Variants in BSCL2 observed in about 807,000 individuals in gnomAD.
BSCL2 encodes the protein BSCL2 lipid droplet biogenesis associated, seipin.
Under a neutral mutation model 57.4 loss-of-function variants are expected in BSCL2, and 41 were observed. The ratio of observed to expected loss-of-function variants is 0.71; its 90% CI spans 0.56 to 0.93. The LOEUF (loss-of-function observed/expected upper bound fraction) is 0.93. BSCL2 is among the 40% of genes least tolerant of loss of function. The pLI is 0.00. For synonymous variants in BSCL2, 237 were observed against 227.3 expected, an observed-to-expected ratio of 1.04 and a Z score of -0.38; for missense variants, 539 against 586.7, an observed-to-expected ratio of 0.92 and a Z score of 0.84.
intron 3 of BSCL2, among the ~76,000 whole-genome samples, chr11:62,696,313 T>TGTGTGTGTGTGTGTGA (rs925519812): frequency 1.4e-4 from 21 of 151,300 alleles, no homozygotes; most frequent in Non-Finnish European, 2.5e-4. Flanking sequence ...TGTGTGTGTG[T>TGTGTGTGTGTGTGTGA]GAAGACAAGG....
chr11:62,700,883 T>C (rs1945619508), intron 3 of BSCL2, among the ~76,000 whole-genome samples: 1 of 151,430 alleles, frequency 6.6e-6, no homozygotes, highest in South Asian at 2.1e-4. Context: ...ATCCCAGGAG[T>C]TGGAGGTTGC....
intron 6 of BSCL2, among the ~76,000 whole-genome samples, chr11:62,691,929 G>T (rs1945321830): frequency 6.6e-6 from 1 of 152,080 alleles, no homozygotes; most frequent in Admixed American, 6.6e-5. Context: ...GCAGGCGCCT[G>T]TAGTCCCAGC....
At chr11:62,694,483 G>C in intron 4 of BSCL2, 85 bp downstream of exon 4, 1 of 1,598,224 alleles carries the variant, frequency 6.3e-7, no homozygotes, top group Non-Finnish European at 8.6e-7. Context: ...GGGATTATAG[G>C]CCTGAGCCAC....
At chr11:62,698,159 G>A (rs549756581) in intron 3 of BSCL2, among the ~76,000 whole-genome samples, 4 of 151,256 alleles carry the variant, frequency 2.6e-5, no homozygotes, top group African/African-American at 7.3e-5. Context: ...CACCCGCCTC[G>A]GCCTCCCAAA....
At chr11:62,707,045 C>G (rs1046471233) in intron 1 of BSCL2, 64 bp downstream of exon 1, 4 of 1,112,560 alleles carry the variant, frequency 3.6e-6, no homozygotes, top group Non-Finnish European at 5.2e-6. Flanking sequence ...TCCCCCCGCC[C>G]CCTTCACGCC....
chr11:62,699,243 GC>G (rs1370398402), intron 3 of BSCL2, among the ~76,000 whole-genome samples: 1 of 150,954 alleles, frequency 6.6e-6, no homozygotes, highest in African/African-American at 2.4e-5. Context: ...TGTAGCCCAG[GC>G]TGGAGTGCAG....
At chr11:62,707,637 T>C (rs774884376), upstream of BSCL2, 30 of 477,454 alleles carry the variant, frequency 6.3e-5, no homozygotes, top group Non-Finnish European at 1.0e-4. Context: ...GCTCCCCCAC[T>C]GGCCAGGCAG....
chr11:62,690,396 G>A lies in BSCL2; in HGVS notation c.1360C>T (p.Arg454Ter), dbSNP rs138515091. ...GAACTAGAGCAGGTGGGGCGCTGTC[G>A]GAGAGCACCCCCAGCAGGTTCAGAG... ...GSSEPAGGAL[R>*]QRPTCSSS Residue 454 changes from arginine (R) to a stop codon, truncating the protein, a stop_gained, in exon 11 of 11, where the codon CGA becomes TGA. Transcript: ENST00000360796. LOFTEE classifies it high-confidence loss of function. 1.9e-5 allele frequency: 30 copies of A among 1,613,980 alleles called. No homozygotes were observed. Among genetic ancestry groups the A allele is most frequent in the Non-Finnish European group, 2.4e-5 (28 of 1,180,038 alleles).
At chr11:62,691,167 C>T (rs1945299395) in intron 7 of BSCL2, 26 bp from the exon 8 acceptor site, 2 of 1,614,138 alleles carry the variant, frequency 1.2e-6, no homozygotes, top group East Asian at 4.5e-5. Context: ...TACTGAGCAG[C>T]CAGGACTGAC....
chr11:62,696,278 T>TTGTGGGTG (rs1945458104), intron 3 of BSCL2, among the ~76,000 whole-genome samples: 1 of 136,228 alleles, frequency 7.3e-6, no homozygotes, highest in Non-Finnish European at 1.6e-5. Context: ...CATAAACTTT[T>TTGTGGGTG]TGTGTGTGTG....
At chr11:62,696,095 CGA>C (rs1358671835) in intron 3 of BSCL2, among the ~76,000 whole-genome samples, 7 of 152,122 alleles carry the variant, frequency 4.6e-5, no homozygotes, top group African/African-American at 1.7e-4. Flanking sequence ...TGCTTGAACC[CGA>C]GAGGCGGAGG....
In BSCL2 at chr11:62,690,674, T is replaced by C; in HGVS notation, c.1172A>G (p.Glu391Gly). 6.2e-7 allele frequency: 1 copy of C among 1,613,850 alleles called. No individual in the cohort carries two copies. The highest frequency in any genetic ancestry group is 8.5e-7 in the Non-Finnish European group (1 of 1,179,998). Residue 391 changes from glutamate to glycine, a missense_variant, in exon 10 of 11, where the codon GAG becomes GGG. Transcript: ENST00000360796. The stretch of plus-strand genomic sequence containing the variant: ...CAGGGGCTGCTGATCTGGTTTCTCC[T>C]CCTCGGACAGCTGACCCTCTGCAGC... ...PSGTEGQLSEEEKPDQQPLSG... is the reference protein window; with the variant it reads ...PSGTEGQLSEGEKPDQQPLSG...
At chr11:62,696,245 C>A (rs1307202392) in intron 3 of BSCL2, among the ~76,000 whole-genome samples, 1 of 150,492 alleles carries the variant, frequency 6.6e-6, no homozygotes, top group Admixed American at 6.7e-5. Context: ...CCTGTAGAGA[C>A]CAGATGATTA....
At chr11:62,704,822 T>G (rs1247835897) in intron 2 of BSCL2, among the ~76,000 whole-genome samples, 21 of 152,188 alleles carry the variant, frequency 1.4e-4, no homozygotes, top group Admixed American at 1.4e-3. Flanking sequence ...GACGCAAGAC[T>G]CTCTGGGAAG....
At chr11:62,705,677 C>T (rs891485926) in intron 1 of BSCL2, 60 bp from the exon 2 acceptor site, 70 of 1,422,308 alleles carry the variant, frequency 4.9e-5, no homozygotes, top group Non-Finnish European at 6.3e-5. Flanking sequence ...GGGGACAAAA[C>T]AGCTTACTGG....
At chr11:62,691,514 G>C in intron 6 of BSCL2, 93 bp from the exon 7 acceptor site, 9 of 1,488,096 alleles carry the variant, frequency 6.0e-6, no homozygotes, top group Non-Finnish European at 8.4e-6. Flanking sequence ...GGCAATTCAA[G>C]TGAGTTTGGT....
rs199795133 is a variant in BSCL2 at position 62,698,203 on chromosome 11, G to T, written c.487-3492C>A. Among the ~76,000 whole-genome samples, 9 of 142,646 alleles carry T rather than the reference G, an allele frequency of 6.3e-5. No individual in the cohort carries two copies. The East Asian group carries it at 1.9e-3, about 30-fold the overall frequency. 93.6% of individuals were successfully genotyped at this position (142,646 alleles called of 152,430 possible). On this transcript the variant is annotated intron_variant, in intron 3 of 10. Transcript: ENST00000360796. Reference sequence around the variant, plus strand: ...ATTACAGGCGTGAGCCACCGTGCCCGGCCTCTTCTTTTTGAGATGGAGTCT... The same window carrying T: ...ATTACAGGCGTGAGCCACCGTGCCCTGCCTCTTCTTTTTGAGATGGAGTCT...
intron 3 of BSCL2, among the ~76,000 whole-genome samples, chr11:62,694,920 C>A (rs925481695): frequency 2.0e-5 from 3 of 152,140 alleles, no homozygotes; most frequent in African/African-American, 7.2e-5. Flanking sequence ...TCTTGGGTAT[C>A]CTGTTGGCTC....
intron 4 of BSCL2, 55 bp from the exon 5 acceptor site, chr11:62,692,852 C>T: frequency 1.2e-6 from 2 of 1,607,050 alleles, no homozygotes; most frequent in Non-Finnish European, 1.7e-6. Context: ...ATCCCCATGA[C>T]CCTACCTACC....
Sources: allele counts gnomAD v4.1 joint callset (sites outside exome capture counted in the v4.1 genomes callset), GRCh38; gene constraint gnomAD v4.1.1; transcripts MANE v1.5; gene names NCBI Gene and HGNC (gene_info 2026-07-23, HGNC 2026-07-21).